CNKSR1: variants seen among roughly 807,000 people sequenced by gnomAD.
CNKSR1 encodes CNK homolog protein 1.
A neutral mutation model predicts 95.6 loss-of-function variants in CNKSR1; 88 were observed. The ratio of observed to expected loss-of-function variants is 0.92; its 90% CI spans 0.78 to 1.10. The LOEUF (loss-of-function observed/expected upper bound fraction) is 1.10, where lower values mean the gene tolerates loss of function less well. Among genes scored for constraint, CNKSR1 ranks in the 50% least tolerant of loss-of-function variants. CNKSR1 has a pLI of 0.00. For missense variants in CNKSR1, 836 were observed against 912.0 expected (o/e 0.92, Z 1.07); for synonymous variants, 355 against 369.7 (o/e 0.96, Z 0.46).
chr1:26,180,627 C>T lies in CNKSR1; in HGVS notation c.210+17C>T. 1 of 1,614,128 alleles carries T rather than the reference C, an allele frequency of 6.2e-7. No homozygotes were observed. The highest frequency in any genetic ancestry group is 8.5e-7 in the Non-Finnish European group (1 of 1,179,994). Reference sequence around the variant, plus strand: ...CAGGCCCTGGTGAGTGAATGCTGGTCACACTGGCTGCAGCTTCCACCAACC... The same window carrying T: ...CAGGCCCTGGTGAGTGAATGCTGGTTACACTGGCTGCAGCTTCCACCAACC... On this transcript the variant is annotated intron_variant, in intron 2 of 20. Coordinates refer to ENST00000361530, the MANE Select transcript of CNKSR1 (RefSeq NM_006314.3).
intron 8 of CNKSR1, 146 bp from the exon 9 acceptor site, chr1:26,183,583 G>T: frequency 9.9e-7 from 1 of 1,011,492 alleles, no homozygotes; most frequent in Non-Finnish European, 1.6e-6. Flanking sequence ...CCAGGTGATG[G>T]GGCCCATGGA....
At position 26,188,249 on chromosome 1, in the gene CNKSR1, C is replaced by T. The variant is rs1238547418; in HGVS notation, c.1470C>T (p.Leu490=). 1.2e-6 allele frequency: 2 copies of T among 1,614,158 alleles called. No homozygotes were observed. The highest frequency in any genetic ancestry group is 4.5e-5 in the East Asian group (2 of 44,868). ...CTCTCCATAGGTGGGTGCGTCATCT[C>T]ATTACCTGCATCTCCAAGTACCAGT... ...LTDLSMWVRH[L]ITCISKYQSP... The change falls in exon 17 of 21, where the codon CTC becomes CTT. Residue 490 remains leucine, a synonymous_variant. Coordinates refer to ENST00000361530, the MANE Select transcript of CNKSR1 (RefSeq NM_006314.3).
chr1:26,184,135 C>A lies in CNKSR1; in HGVS notation c.920C>A (p.Ser307Tyr), dbSNP rs537608274. The A allele has an allele frequency of 3.0e-5, 48 of 1,612,816 alleles. No homozygotes were observed. Among genetic ancestry groups the A allele is most frequent in the Non-Finnish European group, 3.9e-5 (46 of 1,179,744 alleles). The part of the protein sequence containing the change: ...RSPSLSLAPL[S>Y]PRAPSEDVFA... Reference sequence around the variant, plus strand: ...CCATCACTGTCTCTGGCCCCACTGTCTCCCAGGTAACAGGCTCTGTCCAGG... The same window carrying A: ...CCATCACTGTCTCTGGCCCCACTGTATCCCAGGTAACAGGCTCTGTCCAGG... The change falls in exon 10 of 21, where the codon TCT becomes TAT. Residue 307 changes from serine (S) to tyrosine (Y), a missense_variant. Ser to Tyr is a moderately radical substitution (Grantham distance 144, BLOSUM62 -2). Transcript: ENST00000361530.
At position 26,183,624 on chromosome 1, in the gene CNKSR1, AGAAGTGGGAGGC is replaced by A. The variant is rs140907059; in HGVS notation, c.754-104_754-93del. The A allele has an allele frequency of 3.1e-3, 3,266 of 1,055,176 alleles. 53 individuals are homozygous for A. In the African/African-American group the frequency reaches 0.041, roughly 13 times the overall value. The allele number at this position is 1,055,176 out of a possible 1,614,324, so 65.4% of individuals were successfully genotyped here. A position where few individuals can be genotyped will look rare whatever the true frequency, so the allele number is the denominator to read the frequency against. Reference sequence around the variant, plus strand: ...CCAGGAGGCTGCATGAGTGGGAGGCAGAAGTGGGAGGCTGAGAGAGAGCTCCCAGCACGAGGG... The same window carrying A: ...CCAGGAGGCTGCATGAGTGGGAGGCATGAGAGAGAGCTCCCAGCACGAGGG... On this transcript the variant is annotated intron_variant, in intron 8 of 20. Transcript: ENST00000361530.
In CNKSR1 at chr1:26,183,247, G is replaced by A. The variant is rs1283681590; in HGVS notation, c.675G>A (p.Val225=). 1 of 1,614,144 alleles carries A rather than the reference G, an allele frequency of 6.2e-7. No individual in the cohort carries two copies. Among genetic ancestry groups the A allele is most frequent in the African/African-American group, 1.3e-5 (1 of 75,022 alleles). Residue 225 remains valine, a synonymous_variant, in exon 7 of 21, where the codon GTG becomes GTA. Transcript: ENST00000361530. Reference sequence around the variant, plus strand: ...ATTGCCAGCACTTTGTGTCCCAAGTGGACACCCAGGTGAGAGCCCCACACC... The same window carrying A: ...ATTGCCAGCACTTTGTGTCCCAAGTAGACACCCAGGTGAGAGCCCCACACC... ...TSNCQHFVSQ[V]DTQVPTDSRL...
chr1:26,178,056 C>T (rs1443516665), intron 1 of CNKSR1, among the ~76,000 whole-genome samples: 10 of 152,174 alleles, frequency 6.6e-5, no homozygotes, highest in Non-Finnish European at 1.5e-4. Flanking sequence ...GTTCCAGGAA[C>T]CGTGCTGGGC....
In CNKSR1 at chr1:26,185,045, G is replaced by A. The variant is rs748913265; in HGVS notation, c.1167G>A (p.Val389=). ...CGACCCGGCTGAGCCGCCGGCGGGT[G>A]TCATGCCGTGAGCTGGGCCGGCCGG... ...GLATRLSRRR[V]SCRELGRPDC... is the part of the protein sequence containing the mutation. The change falls in exon 14 of 21, where the codon GTG becomes GTA. Residue 389 remains valine, a synonymous_variant. Transcript: ENST00000361530. 82 of 1,602,998 alleles carry A rather than the reference G, an allele frequency of 5.1e-5. No homozygotes were observed. The highest frequency in any genetic ancestry group is 6.7e-5 in the Non-Finnish European group (79 of 1,178,388).
Position 26,188,245 on chromosome 1 carries a change from A to G in CNKSR1, c.1466A>G (p.His489Arg), listed in dbSNP as rs1184474866. 6.2e-7 allele frequency: 1 copy of G among 1,614,082 alleles called. No homozygotes were observed. The highest frequency in any genetic ancestry group is 1.3e-5 in the African/African-American group (1 of 75,012). The change falls in exon 17 of 21, where the codon CAT becomes CGT. Residue 489 changes from histidine (H) to arginine (R), a missense_variant. Transcript: ENST00000361530. The part of the protein sequence containing the change: ...TLTDLSMWVR[H>R]LITCISKYQS... ...CTTGCTCTCCATAGGTGGGTGCGTC[A>G]TCTCATTACCTGCATCTCCAAGTAC... is the stretch of plus-strand genomic sequence containing the variant.
chr1:26,179,458 G>A (rs2088611689), intron 1 of CNKSR1, among the ~76,000 whole-genome samples: 1 of 152,168 alleles, frequency 6.6e-6, no homozygotes, highest in African/African-American at 2.4e-5. Context: ...GAGCTGCAAG[G>A]AATTAGCTCT....
chr1:26,187,482 T>C lies in CNKSR1; in HGVS notation c.1454T>C (p.Met485Thr), dbSNP rs1401818732. Reference protein sequence around the residue: ...FAADTLTDLSMWVRHLITCIS... With the variant: ...FAADTLTDLSTWVRHLITCIS... ...GCTGATACCCTGACAGATCTGAGCATGTGAGTGCCGCCTCCCTTAGCCCCT... is the reference window on the plus strand; with the variant it reads ...GCTGATACCCTGACAGATCTGAGCACGTGAGTGCCGCCTCCCTTAGCCCCT... The change falls in exon 16 of 21, where the codon ATG (methionine) becomes ACG (threonine). Residue 485 changes from methionine to threonine, a missense_variant and splice_region_variant. Physicochemically the swap from Met to Thr is moderately conservative, Grantham distance 81. Transcript: ENST00000361530. 6.2e-7 allele frequency: 1 copy of C among 1,614,072 alleles called. No individual in the cohort carries two copies.
rs1219188675 is a variant in CNKSR1, at chr1:26,184,079, T to C, written c.864T>C (p.Pro288=). ...TCCTGGTTGTTCCCCAGACGCCCCCTCAGGTCCTGGACTCCCCGCACCAGA... is the reference window on the plus strand; with the variant it reads ...TCCTGGTTGTTCCCCAGACGCCCCCCCAGGTCCTGGACTCCCCGCACCAGA... ...PIPETPPQTP[P]QVLDSPHQRS... Residue 288 remains proline (P), a synonymous_variant, in exon 10 of 21, where the codon CCT becomes CCC. Coordinates refer to ENST00000361530, the MANE Select transcript of CNKSR1 (RefSeq NM_006314.3). 1 of 1,591,300 alleles carries C rather than the reference T, an allele frequency of 6.3e-7. No homozygotes were observed. The highest frequency in any genetic ancestry group is 1.8e-5 in the Admixed American group (1 of 57,064).
In CNKSR1 at chr1:26,187,203, C is replaced by T; in HGVS notation, c.1344C>T (p.Asn448=). ...CTGAGGGCCTCATCAATGTCTCCAA[C>T]TATAGTCTGGAAAGTGGACATGATC... is the stretch of plus-strand genomic sequence containing the variant. ...EKAEGLINVS[N]YSLESGHDQK... Residue 448 remains asparagine (N), a synonymous_variant, in exon 15 of 21, where the codon AAC becomes AAT. Transcript: ENST00000361530. 1 of 1,614,084 alleles carries T rather than the reference C, an allele frequency of 6.2e-7. No homozygotes were observed. The highest frequency in any genetic ancestry group is 8.5e-7 in the Non-Finnish European group (1 of 1,179,990).
At position 26,184,431 on chromosome 1, in the gene CNKSR1, C is replaced by T. The variant is rs2124512298; in HGVS notation, c.1031C>T (p.Pro344Leu). The change falls in exon 12 of 21, where the codon CCC (proline) becomes CTC (leucine). Residue 344 changes from proline to leucine, a missense_variant. Physicochemically the swap from Pro to Leu is moderately conservative, Grantham distance 98. Transcript: ENST00000361530. Reference sequence around the variant, plus strand: ...GCCTCCCTTGGCCCTGAGCCCCTGCCCATCCCCCCGGAACCCCCAGCCATA... The same window carrying T: ...GCCTCCCTTGGCCCTGAGCCCCTGCTCATCCCCCCGGAACCCCCAGCCATA... ...DSASLGPEPL[P>L]IPPEPPAILP... 2 of 1,613,522 alleles carry T rather than the reference C, an allele frequency of 1.2e-6. No homozygotes were observed. Among genetic ancestry groups the T allele is most frequent in the Middle Eastern group, 3.3e-4 (2 of 6,060 alleles).
rs747506924 is a variant in CNKSR1 at position 26,188,889 on chromosome 1, G to T, written c.1808G>T (p.Arg603Leu). 2.5e-6 allele frequency: 4 copies of T among 1,613,476 alleles called. No homozygotes were observed. The highest frequency in any genetic ancestry group is 3.4e-6 in the Non-Finnish European group (4 of 1,179,942). ...CAGTGGCGGAGCTCTTTCATGCGGC[G>T]CAACCGAGACCCTCAGCTCAATGAG... Reference protein sequence around the residue: ...QEQWRSSFMRRNRDPQLNERV... With the variant: ...QEQWRSSFMRLNRDPQLNERV... Residue 603 changes from arginine (R) to leucine (L), a missense_variant, in exon 20 of 21, where the codon CGC becomes CTC. By Grantham distance (102) the Arg-to-Leu change is moderately radical. Transcript: ENST00000361530.
chr1:26,187,071 C>T (rs2088767732), intron 14 of CNKSR1, 97 bp from the exon 15 acceptor site: 1 of 896,716 alleles, frequency 1.1e-6, no homozygotes, highest in Non-Finnish European at 1.9e-6. Flanking sequence ...GCCTTCTCCT[C>T]TCCACAACTC....
In CNKSR1 at chr1:26,183,409, G is replaced by A. The variant is rs147478341; in HGVS notation, c.748G>A (p.Val250Met). The change falls in exon 8 of 21, where the codon GTG (valine) becomes ATG (methionine). Residue 250 changes from valine (V) to methionine (M), a missense_variant. Coordinates refer to ENST00000361530, the MANE Select transcript of CNKSR1 (RefSeq NM_006314.3). ...GDEVVQINEQ[V>M]VVGWPRKNMV... ...CGAGGTTGTCCAGATCAACGAGCAG[G>A]TGGTGGTGCGTGAGGAGAGGGACAT... The A allele has an allele frequency of 5.0e-4, 812 of 1,614,144 alleles. 1 individual carries two copies. The highest frequency in any genetic ancestry group is 6.1e-4 in the Non-Finnish European group (723 of 1,180,000).
chr1:26,182,083 G>C (rs1418407116), intron 4 of CNKSR1, 142 bp downstream of exon 4: 5 of 871,004 alleles, frequency 5.7e-6, no homozygotes, highest in Non-Finnish European at 9.4e-6. Context: ...CTGCCACTGG[G>C]TATGGGACAA....
At position 26,182,244 on chromosome 1, in the gene CNKSR1, G is replaced by A. The variant is rs576834014; in HGVS notation, c.478-117G>A. ...GAGGCCCTGTGGTTCTGGGCAGGGG[G>A]CCAGTGTAGGGAAGGCAGGGAGGGA... On this transcript the variant is annotated intron_variant, in intron 4 of 20. Transcript: ENST00000361530. The A allele has an allele frequency of 4.7e-6, 5 of 1,054,150 alleles. No homozygotes were observed. In the South Asian group the frequency reaches 5.5e-5, roughly 12 times the overall value. The allele number at this position is 1,054,150 out of a possible 1,614,324, so 65.3% of individuals were successfully genotyped here. A position where few individuals can be genotyped will look rare whatever the true frequency, so the allele number is the denominator to read the frequency against.
Position 26,188,303 on chromosome 1 carries a change from G to T in CNKSR1, c.1524G>T (p.Glu508Asp). 6.2e-7 allele frequency: 1 copy of T among 1,614,050 alleles called. No homozygotes were observed. Among genetic ancestry groups the T allele is most frequent in the Non-Finnish European group, 8.5e-7 (1 of 1,179,990 alleles). ...CAGGCCGGGCCCCCCCACCCCGAGA[G>T]GAAGGTAGGTGTCTCGCAGGGTTGA... is the stretch of plus-strand genomic sequence containing the variant. The part of the protein sequence containing the change: ...QSPGRAPPPR[E>D]EDCYSETEAE... Residue 508 changes from glutamate (E) to aspartate (D), a missense_variant, in exon 17 of 21, where the codon GAG becomes GAT. Transcript: ENST00000361530.
Sources: gnomAD v4.1 joint callset for allele counts (sites outside exome capture counted in the v4.1 genomes callset) on GRCh38, gnomAD v4.1.1 for gene constraint, MANE v1.5 for transcripts, NCBI Gene and HGNC (gene_info 2026-07-23, HGNC 2026-07-21) for gene names.